Variants in MAPK6 observed in about 807,000 individuals in gnomAD.
MAPK6 encodes the protein mitogen-activated protein kinase 6.
In MAPK6, 19 loss-of-function variants were observed where a neutral mutation model predicts 59.3. The ratio of observed to expected loss-of-function variants is 0.32; its 90% CI spans 0.22 to 0.47. MAPK6 has a LOEUF of 0.47. Among genes scored for constraint, MAPK6 ranks in the 20% least tolerant of loss-of-function variants. The probability of loss-of-function intolerance (pLI) is 1.00; values close to 1 mark genes in which losing one functional copy is unlikely to be tolerated. For synonymous variants in MAPK6, 316 were observed against 290.3 expected (o/e 1.09, Z -0.90); for missense variants, 724 against 847.9 (o/e 0.85, Z 1.81).
At chr15:52,016,398 A>G (rs1042479122), upstream of MAPK6, among the ~76,000 whole-genome samples, 5 of 148,792 alleles carry the variant, frequency 3.4e-5, no homozygotes. Flanking sequence ...TCAAAAAAAG[A>G]AAAAAAAAAC....
intron 2 of MAPK6, among the ~76,000 whole-genome samples, chr15:52,000,761 C>T (rs1334711585): frequency 6.6e-6 from 1 of 151,734 alleles, no homozygotes; most frequent in African/African-American, 2.4e-5. Flanking sequence ...GATCACGCCA[C>T]TGCACTCCAG....
At chr15:52,058,593 C>G in intron 3 of MAPK6, 40 bp from the exon 4 acceptor site, 1 of 1,514,470 alleles carries the variant, frequency 6.6e-7, no homozygotes. Flanking sequence ...AATAAGTAAA[C>G]ATTGAGGAAT....
rs934846995 is a variant in MAPK6, at chr15:52,049,612, AT to A, written c.556-362del. Among the ~76,000 whole-genome samples the A allele has an allele frequency of 3.2e-3, 403 of 124,166 alleles. 3 individuals carry two copies. Among genetic ancestry groups the A allele is most frequent in the Admixed American group, 5.2e-3 (63 of 12,082 alleles). 81.5% of individuals were successfully genotyped at this position (124,166 alleles called of 152,430 possible). A position where few individuals can be genotyped will look rare whatever the true frequency, so the allele number is the denominator to read the frequency against. ...CAAAGTGCTGGGGTTAAAGATTAGG[AT>A]TTTTTTTTTTTTTTTTTTGAGATGG... On this transcript the variant is annotated intron_variant, in intron 2 of 5. Transcript: ENST00000261845.
At chr15:51,972,711 A>G (rs1275297556) in intron 1 of MAPK6, among the ~76,000 whole-genome samples, 3 of 150,500 alleles carry the variant, frequency 2.0e-5, no homozygotes, top group Non-Finnish European at 4.4e-5. Context: ...CGTCCCAGCT[A>G]CTAGGGAGGA....
chr15:52,050,919 T>C (rs2031757823), intron 3 of MAPK6, among the ~76,000 whole-genome samples: 1 of 152,198 alleles, frequency 6.6e-6, no homozygotes, highest in Non-Finnish European at 1.5e-5. Flanking sequence ...TACTAGAAAG[T>C]ATTTAGAAAG....
chr15:52,016,090 AC>A (rs2030254275), upstream of MAPK6, among the ~76,000 whole-genome samples: 2 of 139,242 alleles, frequency 1.4e-5, no homozygotes, highest in African/African-American at 5.3e-5. Context: ...ACACACACAC[AC>A]ACACACACAC....
chr15:51,989,193 C>T (rs1390300481), intron 2 of MAPK6, among the ~76,000 whole-genome samples: 4 of 151,816 alleles, frequency 2.6e-5, no homozygotes, highest in Non-Finnish European at 5.9e-5. Flanking sequence ...AATTCTCCCA[C>T]CTCAGCCTCC....
At chr15:52,022,189 A>G (rs1245409199) in intron 1 of MAPK6, among the ~76,000 whole-genome samples, 1 of 152,086 alleles carries the variant, frequency 6.6e-6, no homozygotes, top group East Asian at 1.9e-4. Context: ...AAAATTTCCC[A>G]CCCCATCCTC....
intron 2 of MAPK6, among the ~76,000 whole-genome samples, chr15:51,984,381 A>G (rs565490097): frequency 6.9e-4 from 102 of 148,724 alleles, no homozygotes; most frequent in African/African-American, 2.5e-3. Flanking sequence ...TTCCGGGTTC[A>G]CGCCATTCTC....
chr15:51,982,565 G>T (rs1460601419), intron 1 of MAPK6, among the ~76,000 whole-genome samples: 1 of 152,094 alleles, frequency 6.6e-6, no homozygotes, highest in Non-Finnish European at 1.5e-5. Flanking sequence ...TCCTGTGTTG[G>T]TGGTGGTGAA....
intron 4 of MAPK6, 123 bp downstream of exon 4, chr15:52,058,920 A>G (rs1298489173): frequency 5.8e-6 from 4 of 688,804 alleles, no homozygotes; most frequent in Non-Finnish European, 8.8e-6. Context: ...TTAGACACTT[A>G]AGGTGTACGT....
At chr15:52,023,633 G>C (rs1595978298) in intron 1 of MAPK6, among the ~76,000 whole-genome samples, 1 of 152,146 alleles carries the variant, frequency 6.6e-6, no homozygotes, top group East Asian at 1.9e-4. Context: ...TTGTTTTTGA[G>C]ACGCTGTCTC....
chr15:51,974,053 A>T (rs1438335359), intron 1 of MAPK6, among the ~76,000 whole-genome samples: 1 of 151,908 alleles, frequency 6.6e-6, no homozygotes, highest in African/African-American at 2.4e-5. Flanking sequence ...AATCAATCAC[A>T]ATCATTTTGC....
chr15:52,055,635 C>T (rs2141110498), intron 3 of MAPK6, among the ~76,000 whole-genome samples: 1 of 152,258 alleles, frequency 6.6e-6, no homozygotes, highest in East Asian at 1.9e-4. Context: ...CCTGCCTCAG[C>T]CTCCCGAGTA....
chr15:51,987,731 C>T (rs1288985875), intron 2 of MAPK6, among the ~76,000 whole-genome samples: 2 of 150,394 alleles, frequency 1.3e-5, no homozygotes, highest in Non-Finnish European at 2.9e-5. Flanking sequence ...GGCACTTACT[C>T]GTAGATTTGA....
chr15:52,021,757 T>C (rs1193767949), intron 1 of MAPK6, among the ~76,000 whole-genome samples: 3 of 152,240 alleles, frequency 2.0e-5, no homozygotes, highest in East Asian at 1.9e-4. Context: ...TAATCAGATA[T>C]GGCTCTGAAT....
chr15:52,024,564 T>G (rs1161396109), intron 1 of MAPK6: 1 of 150,260 alleles, frequency 6.7e-6, no homozygotes, highest in East Asian at 2.0e-4. Context: ...CGCGCCTGGC[T>G]AATTTTTTGT....
chr15:51,994,692 G>C (rs2057219725), intron 2 of MAPK6, among the ~76,000 whole-genome samples: 2 of 152,210 alleles, frequency 1.3e-5, no homozygotes, highest in Non-Finnish European at 2.9e-5. Flanking sequence ...TGTTATTCAA[G>C]TGATCAAAAT....
At chr15:52,048,613 C>T (rs997296270) in intron 2 of MAPK6, among the ~76,000 whole-genome samples, 2 of 151,984 alleles carry the variant, frequency 1.3e-5, no homozygotes, top group African/African-American at 4.8e-5. Context: ...CATTTCCAAA[C>T]AAAAAAGATA....
Sources: gnomAD v4.1 joint callset for allele counts (sites outside exome capture counted in the v4.1 genomes callset) on GRCh38, gnomAD v4.1.1 for gene constraint, MANE v1.5 for transcripts, NCBI Gene and HGNC (gene_info 2026-07-23, HGNC 2026-07-21) for gene names.